GRID1: variants seen among roughly 807,000 people sequenced by gnomAD.
The protein encoded by GRID1 is glutamate ionotropic receptor delta type subunit 1, also known as glutamate receptor ionotropic, delta-1.
GRID1 carries 28 observed loss-of-function variants against 98.0 expected under a neutral mutation model. The ratio of observed to expected loss-of-function variants is 0.29; its 90% CI spans 0.21 to 0.39. The LOEUF (loss-of-function observed/expected upper bound fraction) is 0.39. Among genes scored for constraint, GRID1 ranks in the 10% least tolerant of loss-of-function variants. GRID1 has a pLI of 1.00. For synonymous variants in GRID1, 553 were observed against 538.5 expected, an observed-to-expected ratio of 1.03 and a Z score of -0.37; for missense variants, 1,111 against 1,340.5, an observed-to-expected ratio of 0.83 and a Z score of 2.67.
intron 8 of GRID1, among the ~76,000 whole-genome samples, chr10:85,765,298 C>A (rs143725644): frequency 6.6e-6 from 1 of 152,158 alleles, no homozygotes; most frequent in African/African-American, 2.4e-5. Flanking sequence ...TTTAGCTGCA[C>A]GGGCTGGCTT....
chr10:86,071,224 G>A (rs1440315730), intron 4 of GRID1, among the ~76,000 whole-genome samples: 1 of 152,232 alleles, frequency 6.6e-6, no homozygotes, highest in Non-Finnish European at 1.5e-5. Context: ...TGCTGAGAGA[G>A]CTCACTGGGA....
At chr10:85,880,716 A>G (rs1589285723) in intron 5 of GRID1, among the ~76,000 whole-genome samples, 1 of 152,114 alleles carries the variant, frequency 6.6e-6, no homozygotes, top group East Asian at 1.9e-4. Flanking sequence ...CTGGCACAAG[A>G]CAGGGATGCC....
At position 85,706,665 on chromosome 10, in the gene GRID1, G is replaced by A. The variant is rs181001541; in HGVS notation, c.1997+16338C>T. Among the ~76,000 whole-genome samples, 1,328 of 152,268 alleles carry A rather than the reference G, an allele frequency of 8.7e-3. 18 individuals are homozygous for A. The highest frequency in any genetic ancestry group is 0.017 in the Middle Eastern group (5 of 294). ...GCCCGCATTGCCAAGTCAATCCTAAGCCAAAAGAACAAAGCTGGAGGCATC... is the reference window on the plus strand; with the variant it reads ...GCCCGCATTGCCAAGTCAATCCTAAACCAAAAGAACAAAGCTGGAGGCATC... On this transcript the variant is annotated intron_variant, in intron 12 of 15. Coordinates refer to ENST00000327946, the MANE Select transcript of GRID1 (RefSeq NM_017551.3).
intron 8 of GRID1, among the ~76,000 whole-genome samples, chr10:85,739,017 T>C (rs1257073818): frequency 6.6e-6 from 1 of 152,130 alleles, no homozygotes; most frequent in Non-Finnish European, 1.5e-5. Context: ...AACCATATGG[T>C]TTATTTAGAT....
intron 4 of GRID1, among the ~76,000 whole-genome samples, chr10:86,062,233 A>G (rs994626449): frequency 3.9e-5 from 6 of 152,282 alleles, no homozygotes; most frequent in African/African-American, 1.4e-4. Context: ...TGTTGCCCGC[A>G]GGCAGAGAGG....
At chr10:86,216,614 T>G (rs562223890) in intron 2 of GRID1, among the ~76,000 whole-genome samples, 1 of 151,548 alleles carries the variant, frequency 6.6e-6, no homozygotes, top group South Asian at 2.1e-4. Flanking sequence ...AAGGAGGGAG[T>G]GGTTCGGGGT....
intron 2 of GRID1, among the ~76,000 whole-genome samples, chr10:86,310,142 C>A (rs369433377): frequency 2.0e-5 from 3 of 152,356 alleles, no homozygotes; most frequent in South Asian, 2.1e-4. Context: ...GGCTCTCCTG[C>A]TGGCTCTGAC....
At chr10:85,617,123 C>A (rs1842798926) in intron 14 of GRID1, among the ~76,000 whole-genome samples, 1 of 152,146 alleles carries the variant, frequency 6.6e-6, no homozygotes, top group Non-Finnish European at 1.5e-5. Context: ...TATACTAGAA[C>A]CTGTTTTCTG....
chr10:85,630,645 T>C (rs114123140), intron 13 of GRID1, among the ~76,000 whole-genome samples: 108 of 152,176 alleles, frequency 7.1e-4, no homozygotes, highest in African/African-American at 2.5e-3. Context: ...CCAGATCTGG[T>C]ATTCTCAAAG....
intron 4 of GRID1, among the ~76,000 whole-genome samples, chr10:86,053,567 G>C (rs12764519): frequency 0.067 from 10,201 of 151,676 alleles, 439 homozygotes; most frequent in Non-Finnish European, 0.1. Flanking sequence ...TCGCCGTGTT[G>C]GCCAGGCTGG....
chr10:85,842,179 A>G (rs1167706447), intron 8 of GRID1, among the ~76,000 whole-genome samples: 7 of 152,138 alleles, frequency 4.6e-5, no homozygotes, highest in Admixed American at 6.6e-5. Flanking sequence ...TTGCAAGGAC[A>G]TGGTTGGAGC....
At chr10:85,884,577 C>T (rs979319677) in intron 5 of GRID1, among the ~76,000 whole-genome samples, 1 of 152,112 alleles carries the variant, frequency 6.6e-6, no homozygotes, top group Admixed American at 6.6e-5. Context: ...TCTGCAGCTT[C>T]CACCTTATTT....
chr10:86,166,629 G>A (rs966172769), intron 3 of GRID1, among the ~76,000 whole-genome samples: 1 of 152,190 alleles, frequency 6.6e-6, no homozygotes, highest in African/African-American at 2.4e-5. Context: ...AGGACCTGCT[G>A]CCACAACAGC....
chr10:85,717,939 T>G (rs1841658103), intron 12 of GRID1, among the ~76,000 whole-genome samples: 1 of 81,818 alleles, frequency 1.2e-5, no homozygotes, highest in Admixed American at 1.0e-4. Context: ...AGCTCCAAAA[T>G]GATCTTTGAC....
chr10:85,878,207 T>G (rs147778792), intron 5 of GRID1, among the ~76,000 whole-genome samples: 1,638 of 152,186 alleles, frequency 0.011, 10 homozygotes, highest in Non-Finnish European at 0.015. Flanking sequence ...CAGGGTATTA[T>G]CCAGGAGAAC....
Position 85,662,564 on chromosome 10 carries a change from C to T in GRID1, c.1998-15167G>A, listed in dbSNP as rs141895317. 2.4e-3 allele frequency among the ~76,000 whole-genome samples: 370 copies of T among 152,318 alleles called. 2 individuals are homozygous for T. The highest frequency in any genetic ancestry group is 0.014 in the Middle Eastern group (4 of 294). On this transcript the variant is annotated intron_variant, in intron 12 of 15. Coordinates refer to ENST00000327946, the MANE Select transcript of GRID1 (RefSeq NM_017551.3). ...GTAATACTCCTCCCCACCCACAAGGCCAATGCCAACCGGAGAGAGGCTCCC... is the reference window on the plus strand; with the variant it reads ...GTAATACTCCTCCCCACCCACAAGGTCAATGCCAACCGGAGAGAGGCTCCC...
chr10:85,702,233 A>T (rs1471453543), intron 12 of GRID1, among the ~76,000 whole-genome samples: 1 of 152,122 alleles, frequency 6.6e-6, no homozygotes, highest in Non-Finnish European at 1.5e-5. Flanking sequence ...AAGAAGTACT[A>T]GCAGAGTCAA....
rs377401865 is a variant in GRID1 at position 86,332,514 on chromosome 10, T to C, written c.235+31427A>G. 2.0e-5 allele frequency among the ~76,000 whole-genome samples: 3 copies of C among 152,028 alleles called. No homozygotes were observed. The South Asian group carries it at 6.2e-4, about 32-fold the overall frequency. On this transcript the variant is annotated intron_variant, in intron 2 of 15. Transcript: ENST00000327946. The stretch of plus-strand genomic sequence containing the variant: ...TCCTGCCTGGCCTGACTCCTTTCCC[T>C]GCCTTCCCCAGGTGAAGATCCCAAT...
intron 4 of GRID1, among the ~76,000 whole-genome samples, chr10:85,988,965 A>C (rs1299871256): frequency 2.0e-5 from 3 of 152,242 alleles, no homozygotes; most frequent in African/African-American, 7.2e-5. Context: ...AGGGTGAGTC[A>C]GGTCACAGGG....
Sources: gnomAD v4.1 joint callset for allele counts (sites outside exome capture counted in the v4.1 genomes callset) on GRCh38, gnomAD v4.1.1 for gene constraint, MANE v1.5 for transcripts, NCBI Gene and HGNC (gene_info 2026-07-23, HGNC 2026-07-21) for gene names.